KHDRBS2: variants seen among roughly 807,000 people sequenced by gnomAD.
The protein encoded by KHDRBS2 is KH domain-containing, RNA-binding, signal transduction-associated protein 2.
Under a neutral mutation model 44.3 loss-of-function variants are expected in KHDRBS2, and 26 were observed. The observed-to-expected ratio is 0.59, with a 90% CI of 0.43 to 0.81. The LOEUF is 0.81. KHDRBS2 is among the 40% of genes least tolerant of loss of function. KHDRBS2 has a pLI of 0.00. For synonymous variants in KHDRBS2, 194 were observed against 151.1 expected (o/e 1.28, Z -2.08); for missense variants, 476 against 433.1 (o/e 1.10, Z -0.88).
intron 6 of KHDRBS2, among the ~76,000 whole-genome samples, chr6:61,759,199 C>A (rs1484517999): frequency 6.6e-6 from 1 of 152,088 alleles, no homozygotes. Flanking sequence ...AACTAGACAT[C>A]TGCTTGTATA....
chr6:62,201,164 A>G (rs1826903379), intron 1 of KHDRBS2, among the ~76,000 whole-genome samples: 1 of 152,110 alleles, frequency 6.6e-6, no homozygotes, highest in Non-Finnish European at 1.5e-5. Context: ...CAGCACACCA[A>G]CATGGTACAT....
At chr6:61,731,271 C>G (rs1259757553) in intron 7 of KHDRBS2, among the ~76,000 whole-genome samples, 1 of 150,862 alleles carries the variant, frequency 6.6e-6, no homozygotes, top group Non-Finnish European at 1.5e-5. Context: ...GCCTAAATGA[C>G]TGTGTTGTTT....
At chr6:62,050,317 G>A (rs1292334767) in intron 2 of KHDRBS2, among the ~76,000 whole-genome samples, 3 of 151,830 alleles carry the variant, frequency 2.0e-5, no homozygotes, top group East Asian at 1.9e-4. Context: ...ATATCATTAG[G>A]AGAAATACCT....
At chr6:61,721,986 G>A (rs1488118049) in intron 7 of KHDRBS2, among the ~76,000 whole-genome samples, 1 of 150,300 alleles carries the variant, frequency 6.7e-6, no homozygotes, top group Non-Finnish European at 1.5e-5. Flanking sequence ...TTTTTAGCAT[G>A]AAGAGTTGTT....
intron 1 of KHDRBS2, among the ~76,000 whole-genome samples, chr6:62,183,104 T>A (rs1327523985): frequency 6.6e-6 from 1 of 151,838 alleles, no homozygotes; most frequent in African/African-American, 2.4e-5. Context: ...GAACCCTTAA[T>A]AGCTATAAAA....
intron 7 of KHDRBS2, among the ~76,000 whole-genome samples, chr6:61,699,986 T>C (rs750943429): frequency 3.3e-5 from 5 of 151,978 alleles, no homozygotes; most frequent in Admixed American, 6.6e-5. Context: ...CTTGACATGA[T>C]AAAAATGATG....
In KHDRBS2 at chr6:62,194,623, C is replaced by A. The variant is rs147792787; in HGVS notation, c.92-17311G>T. On this transcript the variant is annotated intron_variant, in intron 1 of 8. Coordinates refer to ENST00000281156, the MANE Select transcript of KHDRBS2 (RefSeq NM_152688.4). Reference sequence around the variant, plus strand: ...CAAGGGATCCTCCTGCCTCAGGCTCCCAAGAAACTGGGATTAAAGTTGCGC... The same window carrying A: ...CAAGGGATCCTCCTGCCTCAGGCTCACAAGAAACTGGGATTAAAGTTGCGC... Among the ~76,000 whole-genome samples the A allele has an allele frequency of 2.5e-3, 378 of 150,164 alleles. 3 individuals carry two copies. Among genetic ancestry groups the A allele is most frequent in the African/African-American group, 8.5e-3 (348 of 40,762 alleles).
chr6:62,025,094 T>C (rs927556541), intron 3 of KHDRBS2, among the ~76,000 whole-genome samples: 2 of 151,772 alleles, frequency 1.3e-5, no homozygotes, highest in African/African-American at 4.8e-5. Flanking sequence ...ATCACTCTAA[T>C]GAATAGCAAA....
intron 2 of KHDRBS2, among the ~76,000 whole-genome samples, chr6:62,062,002 C>G (rs1477583668): frequency 6.6e-6 from 1 of 151,774 alleles, no homozygotes; most frequent in Non-Finnish European, 1.5e-5. Flanking sequence ...ACGTAGTTCT[C>G]GAGCCTTGGT....
intron 4 of KHDRBS2, among the ~76,000 whole-genome samples, chr6:61,929,382 G>A (rs1809591210): frequency 6.6e-6 from 1 of 152,164 alleles, no homozygotes; most frequent in Admixed American, 6.5e-5. Context: ...GTGAACATCA[G>A]TTTTTCAACC....
At chr6:62,012,872 T>C (rs1391348835) in intron 3 of KHDRBS2, among the ~76,000 whole-genome samples, 1 of 152,200 alleles carries the variant, frequency 6.6e-6, no homozygotes, top group Non-Finnish European at 1.5e-5. Context: ...TTATCTATTT[T>C]CTTTCACTTC....
chr6:62,252,624 A>G (rs183142494), intron 1 of KHDRBS2, among the ~76,000 whole-genome samples: 37 of 152,046 alleles, frequency 2.4e-4, no homozygotes, highest in Admixed American at 1.6e-3. Flanking sequence ...TACTGATTTT[A>G]TTTTTACCTG....
At chr6:62,263,575 A>T (rs1838713869) in intron 1 of KHDRBS2, among the ~76,000 whole-genome samples, 1 of 151,756 alleles carries the variant, frequency 6.6e-6, no homozygotes, top group Non-Finnish European at 1.5e-5. Context: ...TGATCCAAAC[A>T]TATTACTGCA....
intron 2 of KHDRBS2, among the ~76,000 whole-genome samples, chr6:62,096,442 A>C (rs1171012521): frequency 6.6e-6 from 1 of 151,760 alleles, no homozygotes; most frequent in Non-Finnish European, 1.5e-5. Context: ...TTCATGATTC[A>C]ATCTTGGTCA....
the KHDRBS2 span, among the ~76,000 whole-genome samples, chr6:61,658,076 C>T: frequency 7.4e-4 from 112 of 151,934 alleles, no homozygotes; most frequent in South Asian, 1.0e-3. Flanking sequence ...GTCCACTATG[C>T]TAAATATCTA....
At chr6:62,142,973 C>A (rs1407709808) in intron 2 of KHDRBS2, among the ~76,000 whole-genome samples, 1 of 148,908 alleles carries the variant, frequency 6.7e-6, no homozygotes, top group African/African-American at 2.6e-5. Flanking sequence ...ACAAAGATAT[C>A]ATATATACTG....
chr6:62,134,441 G>A (rs552217013), intron 2 of KHDRBS2, among the ~76,000 whole-genome samples: 2 of 152,162 alleles, frequency 1.3e-5, no homozygotes, highest in African/African-American at 2.4e-5. Flanking sequence ...CTGCAGGGCC[G>A]AGGTCCTCAT....
At chr6:61,787,411 G>A (rs1023166844) in intron 6 of KHDRBS2, among the ~76,000 whole-genome samples, 2 of 151,714 alleles carry the variant, frequency 1.3e-5, no homozygotes, top group African/African-American at 4.8e-5. Flanking sequence ...TTATATGACA[G>A]ATACTATTCT....
intron 6 of KHDRBS2, among the ~76,000 whole-genome samples, chr6:61,812,392 C>T (rs1365015519): frequency 6.6e-6 from 1 of 152,034 alleles, no homozygotes; most frequent in Non-Finnish European, 1.5e-5. Flanking sequence ...ACTCCAAAGA[C>T]AATGCTTATT....
Sources: gnomAD v4.1 joint callset for allele counts (sites outside exome capture counted in the v4.1 genomes callset) on GRCh38, gnomAD v4.1.1 for gene constraint, MANE v1.5 for transcripts, NCBI Gene and HGNC (gene_info 2026-07-23, HGNC 2026-07-21) for gene names.